MYOM2: variants seen among roughly 807,000 people sequenced by gnomAD.
The protein encoded by MYOM2 is myomesin 2.
A neutral mutation model predicts 187.6 loss-of-function variants in MYOM2; 254 were observed. The observed-to-expected ratio is 1.35, with a 90% CI of 1.22 to 1.50. The LOEUF (loss-of-function observed/expected upper bound fraction) is 1.50. Ranked by LOEUF, MYOM2 falls within the 40% of genes most tolerant of loss-of-function variation. MYOM2 has a pLI of 0.00. For missense variants in MYOM2, 2,796 were observed against 1,924.0 expected (o/e 1.45, Z -8.48); for synonymous variants, 981 against 753.8 (o/e 1.30, Z -4.94).
chr8:2,127,743 G>A (rs1400780851), intron 31 of MYOM2: 1 of 143,396 alleles, frequency 7.0e-6, no homozygotes, highest in East Asian at 2.0e-4. Flanking sequence ...CAGTACCTCG[G>A]CGTGACGCGG....
chr8:2,094,167 G>A, intron 17 of MYOM2, 76 bp downstream of exon 17: 2 of 1,556,640 alleles, frequency 1.3e-6, no homozygotes, highest in Non-Finnish European at 1.8e-6. Flanking sequence ...CATTTGTGAT[G>A]CCATTTGGAA....
At chr8:2,109,565 A>T (rs751783222) in intron 25 of MYOM2, 34 bp downstream of exon 25, 2 of 1,582,500 alleles carry the variant, frequency 1.3e-6, no homozygotes, top group South Asian at 2.3e-5. Context: ...CTGGCTTTGC[A>T]GGGAGTCCAC....
At chr8:2,056,923 G>A (rs1447614654) in intron 3 of MYOM2, among the ~76,000 whole-genome samples, 1 of 152,184 alleles carries the variant, frequency 6.6e-6, no homozygotes, top group Non-Finnish European at 1.5e-5. Flanking sequence ...CTGTGCACAC[G>A]AAGATGAGTA....
intron 35 of MYOM2, among the ~76,000 whole-genome samples, chr8:2,142,740 TCCTCCCCTC>T (rs1171564233): frequency 2.3e-3 from 6 of 2,638 alleles, no homozygotes; most frequent in Non-Finnish European, 3.9e-3. Flanking sequence ...CTTCCTCCCT[TCCTCCCCTC>T]CCTCCCTTTA....
At chr8:2,073,230 C>A (rs1819295895) in intron 9 of MYOM2, 109 bp from the exon 10 acceptor site, 1 of 1,237,906 alleles carries the variant, frequency 8.1e-7, no homozygotes. Context: ...TCCGTGGTGT[C>A]CAGCTCGACT....
At chr8:2,079,175 T>A (rs1438151631) in intron 12 of MYOM2, among the ~76,000 whole-genome samples, 1 of 149,816 alleles carries the variant, frequency 6.7e-6, no homozygotes, top group Non-Finnish European at 1.5e-5. Flanking sequence ...TTTGCTGGCA[T>A]CCAGTTAAAT....
rs561702711 is a variant in MYOM2 at position 2,140,435 on chromosome 8, T to G, written c.3801-288T>G. Reference sequence around the variant, plus strand: ...TGTAGTAGTTCTAGCTTTAATTTTTTGAGGAACTACCATACTATATAGAGT... The same window carrying G: ...TGTAGTAGTTCTAGCTTTAATTTTTGGAGGAACTACCATACTATATAGAGT... On this transcript the variant is annotated intron_variant, in intron 32 of 36. Transcript: ENST00000262113. 2.0e-5 allele frequency among the ~76,000 whole-genome samples: 3 copies of G among 152,370 alleles called. No individual in the cohort carries two copies. In the East Asian group the frequency reaches 5.8e-4, roughly 29 times the overall value.
chr8:2,060,006 T>A (rs1818800032), intron 6 of MYOM2, among the ~76,000 whole-genome samples: 1 of 152,226 alleles, frequency 6.6e-6, no homozygotes, highest in Non-Finnish European at 1.5e-5. Flanking sequence ...TCTCCCAAAG[T>A]GCTGGGATTA....
intron 35 of MYOM2, among the ~76,000 whole-genome samples, chr8:2,142,807 G>A (rs1180886120): frequency 2.0e-5 from 3 of 148,948 alleles, no homozygotes; most frequent in African/African-American, 7.4e-5. Flanking sequence ...CCAGGCTGGA[G>A]TGCAATGGCA....
intron 6 of MYOM2, among the ~76,000 whole-genome samples, chr8:2,067,703 C>A (rs1027451977): frequency 6.6e-6 from 1 of 152,056 alleles, no homozygotes; most frequent in African/African-American, 2.4e-5. Context: ...GACCCACCCC[C>A]ACAGGTACTT....
chr8:2,143,300 C>T (rs1798342607), intron 35 of MYOM2, 101 bp from the exon 36 acceptor site: 23 of 1,327,470 alleles, frequency 1.7e-5, no homozygotes, highest in Non-Finnish European at 2.5e-5. Context: ...GCATAAACTC[C>T]TCACCACATT....
intron 3 of MYOM2, among the ~76,000 whole-genome samples, chr8:2,054,002 C>T (rs566822346): frequency 1.3e-3 from 191 of 152,300 alleles, no homozygotes; most frequent in African/African-American, 4.3e-3. Flanking sequence ...GCTCTATCAC[C>T]GTCATGCAGA....
intron 32 of MYOM2, among the ~76,000 whole-genome samples, chr8:2,137,050 T>G (rs3779824): frequency 0.13 from 19,801 of 151,770 alleles, 2,189 homozygotes; most frequent in African/African-American, 0.28. Flanking sequence ...CACGGAAGAA[T>G]TTCTAGTCTC....
chr8:2,124,155 G>A, intron 30 of MYOM2, 24 bp from the exon 31 acceptor site: 2 of 1,607,036 alleles, frequency 1.2e-6, no homozygotes, highest in Non-Finnish European at 1.7e-6. Context: ...TGTCGTAATG[G>A]TGCGTATCCC....
intron 36 of MYOM2, 44 bp from the exon 37 acceptor site, chr8:2,144,620 C>A: frequency 6.2e-7 from 1 of 1,601,626 alleles, no homozygotes; most frequent in Non-Finnish European, 8.5e-7. Context: ...CATGACTTTC[C>A]TTTTTCTAAC....
At chr8:2,062,573 G>T (rs1333684476) in intron 6 of MYOM2, among the ~76,000 whole-genome samples, 4 of 152,188 alleles carry the variant, frequency 2.6e-5, no homozygotes, top group Non-Finnish European at 5.9e-5. Context: ...GGCACAGGCT[G>T]CAAAGGATGC....
Position 2,079,683 on chromosome 8 carries a change from G to C in MYOM2, c.1516+70G>C, listed in dbSNP as rs1248301682. The C allele has an allele frequency of 3.0e-5, 45 of 1,512,966 alleles. No homozygotes were observed. The Admixed American group carries it at 7.4e-4, about 25-fold the overall frequency. 93.7% of individuals were successfully genotyped at this position (1,512,966 alleles called of 1,614,324 possible). ...TGGAGTTGTAATTAGAGATGGGAGA[G>C]ATGGACAGAGAACGCCCCCTACTGG... On this transcript the variant is annotated intron_variant, in intron 13 of 36. Transcript: ENST00000262113.
intron 3 of MYOM2, among the ~76,000 whole-genome samples, chr8:2,053,664 C>T (rs1818563778): frequency 6.6e-6 from 1 of 152,220 alleles, no homozygotes; most frequent in Non-Finnish European, 1.5e-5. Flanking sequence ...CCAAATCTGA[C>T]TCAAAGAAGG....
intron 32 of MYOM2, among the ~76,000 whole-genome samples, chr8:2,137,319 A>C (rs1798114102): frequency 6.6e-6 from 1 of 152,014 alleles, no homozygotes; most frequent in Non-Finnish European, 1.5e-5. Context: ...GACCAGCGAC[A>C]GCACGAACAG....
Sources: allele counts gnomAD v4.1 joint callset (sites outside exome capture counted in the v4.1 genomes callset), GRCh38; gene constraint gnomAD v4.1.1; transcripts MANE v1.5; gene names NCBI Gene and HGNC (gene_info 2026-07-23, HGNC 2026-07-21).